The following AK5 variants were observed in gnomAD, a reference collection of about 807,000 sequenced individuals.
AK5 encodes adenylate kinase 5, also known as adenylate kinase isoenzyme 5.
In AK5, 27 loss-of-function variants were observed where a neutral mutation model predicts 69.5. The ratio of observed to expected loss-of-function variants is 0.39; its 90% confidence interval spans 0.29 to 0.54. The LOEUF is 0.54. Ranked by LOEUF, AK5 falls within the 20% of genes least tolerant of loss-of-function variation. The pLI, the probability that AK5 is intolerant of heterozygous loss-of-function variation, is 0.71. For missense variants in AK5, 531 were observed against 700.4 expected (o/e 0.76, Z 2.73); for synonymous variants, 260 against 244.4 (o/e 1.06, Z -0.60).
chr1:77,558,559 C>T (rs1557673990), intron 13 of AK5, 43 bp from the exon 14 acceptor site: 1 of 1,211,192 alleles, frequency 8.3e-7, no homozygotes, highest in South Asian at 1.3e-5. Context: ...ACATGATTTA[C>T]AGATATTTCA....
intron 8 of AK5, among the ~76,000 whole-genome samples, chr1:77,432,098 GT>G (rs1451349124): frequency 2.0e-5 from 3 of 152,064 alleles, no homozygotes; most frequent in Non-Finnish European, 4.4e-5. Context: ...GCTGTTTTTG[GT>G]TTTGTTTTTT....
intron 8 of AK5, among the ~76,000 whole-genome samples, chr1:77,423,927 C>A (rs969254737): frequency 2.6e-5 from 4 of 152,248 alleles, no homozygotes; most frequent in African/African-American, 9.6e-5. Flanking sequence ...ATTCCTAGAG[C>A]AAGAGAAAAC....
At chr1:77,292,489 G>T (rs563444076) in intron 2 of AK5, among the ~76,000 whole-genome samples, 2 of 152,294 alleles carry the variant, frequency 1.3e-5, no homozygotes, top group East Asian at 3.9e-4. Flanking sequence ...CATCTTAGCA[G>T]AATTCCTCAT....
intron 6 of AK5, among the ~76,000 whole-genome samples, chr1:77,351,634 G>A (rs1305719869): frequency 6.6e-6 from 1 of 152,146 alleles, no homozygotes; most frequent in East Asian, 1.9e-4. Flanking sequence ...GGGCTGGGAA[G>A]CCACAGCTAT....
chr1:77,347,705 A>G (rs556252177), intron 6 of AK5, among the ~76,000 whole-genome samples: 7 of 152,342 alleles, frequency 4.6e-5, no homozygotes, highest in African/African-American at 1.7e-4. Context: ...GGCAACCCGC[A>G]TATAGCAAAG....
At chr1:77,375,587 T>G (rs2100488289) in intron 6 of AK5, among the ~76,000 whole-genome samples, 1 of 152,306 alleles carries the variant, frequency 6.6e-6, no homozygotes, top group South Asian at 2.1e-4. Context: ...AATGTTTTGA[T>G]GGACTGGATC....
intron 12 of AK5, among the ~76,000 whole-genome samples, chr1:77,532,596 T>C (rs2803169): frequency 0.025 from 3,841 of 152,272 alleles, 125 homozygotes; most frequent in African/African-American, 0.088. Flanking sequence ...ATAATCATAC[T>C]TCCCGGCAAG....
At position 77,382,359 on chromosome 1, in the gene AK5, A is replaced by G. The variant is rs191180980; in HGVS notation, c.892-28622A>G. 3.4e-4 allele frequency among the ~76,000 whole-genome samples: 52 copies of G among 150,994 alleles called. 1 individual carries two copies. In the East Asian group the frequency reaches 9.4e-3, roughly 27 times the overall value. ...TGTAAAACACTTTTTTAAATTTTTCATTTGTTTTAGAGACAGGGTCTCACT... is the reference window on the plus strand; with the variant it reads ...TGTAAAACACTTTTTTAAATTTTTCGTTTGTTTTAGAGACAGGGTCTCACT... On this transcript the variant is annotated intron_variant, in intron 6 of 13. Transcript: ENST00000354567.
At position 77,558,052 on chromosome 1, in the gene AK5, A is replaced by C. The variant is rs74090651; in HGVS notation, c.1621-550A>C. On this transcript the variant is annotated intron_variant, in intron 13 of 13. Coordinates refer to ENST00000354567, the MANE Select transcript of AK5 (RefSeq NM_174858.3). ...AATATATATTTAAGTTTAGTGCTGA[A>C]TAATATTCCCCTGTCCATCTGGATA... Among the ~76,000 whole-genome samples the C allele has an allele frequency of 5.2e-3, 792 of 152,230 alleles. 6 individuals are homozygous for C. Among genetic ancestry groups the C allele is most frequent in the African/African-American group, 0.018 (759 of 41,522 alleles).
chr1:77,290,604 C>CA (rs1658632714), intron 2 of AK5, among the ~76,000 whole-genome samples: 3 of 152,136 alleles, frequency 2.0e-5, no homozygotes, highest in Non-Finnish European at 4.4e-5. Context: ...AATAAGAGTT[C>CA]TAATCCCATA....
At chr1:77,315,829 A>G (rs1274523333) in intron 5 of AK5, among the ~76,000 whole-genome samples, 2 of 151,370 alleles carry the variant, frequency 1.3e-5, no homozygotes, top group South Asian at 2.1e-4. Flanking sequence ...TTGCACCCCA[A>G]TTTATCATCT....
At chr1:77,397,917 A>T (rs1424332121) in intron 6 of AK5, among the ~76,000 whole-genome samples, 3 of 152,168 alleles carry the variant, frequency 2.0e-5, no homozygotes, top group Non-Finnish European at 1.5e-5. Flanking sequence ...ATAAATAAAT[A>T]AAATTAAAAT....
chr1:77,382,650 TA>T (rs763381225), intron 6 of AK5, among the ~76,000 whole-genome samples: 16 of 152,222 alleles, frequency 1.1e-4, no homozygotes, highest in Non-Finnish European at 2.4e-4. Flanking sequence ...GCGCCCAGCC[TA>T]GAACACATTT....
At chr1:77,321,414 A>T (rs1660524370) in intron 5 of AK5, among the ~76,000 whole-genome samples, 1 of 152,136 alleles carries the variant, frequency 6.6e-6, no homozygotes, top group Non-Finnish European at 1.5e-5. Context: ...GGTTGCAGTG[A>T]GCTGAGGTCT....
chr1:77,522,829 A>G (rs1374372236), intron 12 of AK5, among the ~76,000 whole-genome samples: 3 of 152,168 alleles, frequency 2.0e-5, no homozygotes, highest in African/African-American at 4.8e-5. Context: ...AGAAATTCAT[A>G]TTTATAGAGA....
intron 6 of AK5, among the ~76,000 whole-genome samples, chr1:77,372,288 T>C (rs1647134898): frequency 6.6e-6 from 1 of 152,200 alleles, no homozygotes; most frequent in Non-Finnish European, 1.5e-5. Context: ...ATTTTCTCTT[T>C]CACAGTAAGT....
chr1:77,535,483 C>T (rs2100355950), intron 12 of AK5, among the ~76,000 whole-genome samples: 1 of 152,288 alleles, frequency 6.6e-6, no homozygotes, highest in East Asian at 1.9e-4. Flanking sequence ...AAGTGATTAG[C>T]TGTGCCTCAG....
At chr1:77,465,120 C>A (rs1338707324) in intron 8 of AK5, among the ~76,000 whole-genome samples, 1 of 152,078 alleles carries the variant, frequency 6.6e-6, no homozygotes, top group Non-Finnish European at 1.5e-5. Context: ...AGGTTTGAAT[C>A]CTGATGAAAT....
intron 6 of AK5, among the ~76,000 whole-genome samples, chr1:77,394,288 A>T (rs979879380): frequency 6.6e-6 from 1 of 152,170 alleles, no homozygotes; most frequent in African/African-American, 2.4e-5. Context: ...TTCTTGTCAG[A>T]TAAAGAGTAT....
Sources: gnomAD v4.1 joint callset for allele counts (sites outside exome capture counted in the v4.1 genomes callset) on GRCh38, gnomAD v4.1.1 for gene constraint, MANE v1.5 for transcripts, NCBI Gene and HGNC (gene_info 2026-07-23, HGNC 2026-07-21) for gene names.